MAGI2: variants seen among roughly 807,000 people sequenced by gnomAD.
MAGI2 encodes the protein membrane-associated guanylate kinase, WW and PDZ domain-containing protein 2.
A neutral mutation model predicts 133.3 loss-of-function variants in MAGI2; 35 were observed. The observed-to-expected ratio is 0.26, with a 90% confidence interval of 0.20 to 0.35. The LOEUF (loss-of-function observed/expected upper bound fraction) is 0.35, where lower values mean the gene tolerates loss of function less well. Among genes scored for constraint, MAGI2 ranks in the 10% least tolerant of loss-of-function variants. MAGI2 has a pLI of 1.00. For missense variants in MAGI2, 1,636 were observed against 1,863.4 expected (o/e 0.88, Z 2.25); for synonymous variants, 729 against 710.6 (o/e 1.03, Z -0.41).
At chr7:78,952,557 C>A (rs934982169) in intron 2 of MAGI2, among the ~76,000 whole-genome samples, 1 of 152,102 alleles carries the variant, frequency 6.6e-6, no homozygotes, top group Non-Finnish European at 1.5e-5. Flanking sequence ...TTCCTATTTT[C>A]TTTTAATAAA....
At chr7:79,449,798 A>T (rs1182451362) in intron 1 of MAGI2, among the ~76,000 whole-genome samples, 3 of 151,078 alleles carry the variant, frequency 2.0e-5, no homozygotes, top group Admixed American at 1.3e-4. Context: ...TAAAAAGATA[A>T]TTCCTTGAAT....
intron 21 of MAGI2, among the ~76,000 whole-genome samples, chr7:78,048,469 C>A (rs1038777807): frequency 6.6e-6 from 1 of 152,106 alleles, no homozygotes; most frequent in Admixed American, 6.6e-5. Context: ...TAAAAACAGT[C>A]CCCGCCAATG....
intron 1 of MAGI2, among the ~76,000 whole-genome samples, chr7:79,144,598 C>A (rs1202955088): frequency 6.6e-6 from 1 of 152,196 alleles, no homozygotes; most frequent in African/African-American, 2.4e-5. Context: ...TCAGCTATTT[C>A]TTTATAGCAG....
intron 2 of MAGI2, among the ~76,000 whole-genome samples, chr7:78,669,173 G>A (rs887268924): frequency 6.6e-6 from 1 of 151,998 alleles, no homozygotes; most frequent in African/African-American, 2.4e-5. Context: ...TAGACCGATA[G>A]CAAGACTAAT....
chr7:79,383,270 ACT>A (rs1430995138), intron 1 of MAGI2, among the ~76,000 whole-genome samples: 9 of 151,464 alleles, frequency 5.9e-5, no homozygotes, highest in African/African-American at 1.9e-4. Flanking sequence ...GCTTTACTTC[ACT>A]CTCTTAGAAT....
chr7:78,948,601 C>A (rs976684368), intron 2 of MAGI2, among the ~76,000 whole-genome samples: 8 of 152,028 alleles, frequency 5.3e-5, no homozygotes, highest in African/African-American at 9.7e-5. Context: ...AGTGGAGACT[C>A]ATTTTATAGA....
At chr7:79,076,983 T>C (rs1006091844) in intron 1 of MAGI2, among the ~76,000 whole-genome samples, 1 of 152,184 alleles carries the variant, frequency 6.6e-6, no homozygotes, top group Non-Finnish European at 1.5e-5. Flanking sequence ...TCTCAGATTC[T>C]TTACTTTTCC....
At chr7:78,910,636 A>G (rs1356322457) in intron 2 of MAGI2, among the ~76,000 whole-genome samples, 2 of 152,212 alleles carry the variant, frequency 1.3e-5, no homozygotes, top group Non-Finnish European at 2.9e-5. Context: ...TTTCAAGTAC[A>G]ACACTAGTCT....
At chr7:78,162,986 G>C (rs969254848) in intron 15 of MAGI2, among the ~76,000 whole-genome samples, 1 of 152,054 alleles carries the variant, frequency 6.6e-6, no homozygotes, top group Non-Finnish European at 1.5e-5. Context: ...ACATCCTAAA[G>C]TGACTAAAAT....
At chr7:78,095,905 C>A (rs1817648950) in intron 20 of MAGI2, among the ~76,000 whole-genome samples, 2 of 152,062 alleles carry the variant, frequency 1.3e-5, no homozygotes, top group Non-Finnish European at 2.9e-5. Context: ...AGAGAAAGAA[C>A]AGAATAAAAA....
intron 21 of MAGI2, among the ~76,000 whole-genome samples, chr7:78,043,507 T>C (rs34582025): frequency 0.067 from 10,159 of 152,274 alleles, 346 homozygotes; most frequent in South Asian, 0.078. Context: ...CTGGAAAGGA[T>C]TGGCCAAAAT....
At chr7:78,194,699 C>T (rs976314944) in intron 12 of MAGI2, among the ~76,000 whole-genome samples, 175 bp downstream of exon 12, 19 of 152,090 alleles carry the variant, frequency 1.2e-4, no homozygotes, top group African/African-American at 3.9e-4. Flanking sequence ...TATAATAAAC[C>T]GACTTTTAGA....
intron 2 of MAGI2, among the ~76,000 whole-genome samples, chr7:78,898,488 A>C (rs532594239): frequency 3.1e-4 from 47 of 152,318 alleles, no homozygotes; most frequent in African/African-American, 1.1e-3. Flanking sequence ...AAATGATGAG[A>C]TCATGTCCTT....
intron 6 of MAGI2, among the ~76,000 whole-genome samples, chr7:78,403,097 C>T (rs1046940551): frequency 1.3e-5 from 2 of 152,104 alleles, no homozygotes; most frequent in African/African-American, 4.8e-5. Context: ...GTGTGCTGCA[C>T]CCATTAACTC....
chr7:78,293,468 C>T lies in MAGI2; in HGVS notation c.1409-36887G>A, dbSNP rs530231519. 2.6e-4 allele frequency among the ~76,000 whole-genome samples: 40 copies of T among 152,292 alleles called. 2 individuals carry two copies. In the South Asian group the frequency reaches 4.4e-3, roughly 17 times the overall value. On this transcript the variant is annotated intron_variant, in intron 9 of 21. Coordinates refer to ENST00000354212, the MANE Select transcript of MAGI2 (RefSeq NM_012301.4). ...TGGAGAGGATGTGGAGAAATAGGAA[C>T]ACTTTTACACTGTTGGTGGGACTAT...
At chr7:78,790,626 G>A (rs1268521353) in intron 2 of MAGI2, among the ~76,000 whole-genome samples, 1 of 152,102 alleles carries the variant, frequency 6.6e-6, no homozygotes, top group East Asian at 1.9e-4. Context: ...TAGACACAGG[G>A]TTTCACCATG....
At chr7:78,696,488 T>C (rs1817525954) in intron 2 of MAGI2, among the ~76,000 whole-genome samples, 1 of 152,152 alleles carries the variant, frequency 6.6e-6, no homozygotes, top group African/African-American at 2.4e-5. Context: ...ATACTTGAAT[T>C]AATCAGTTGG....
At chr7:79,143,045 A>G (rs1479108597) in intron 1 of MAGI2, among the ~76,000 whole-genome samples, 3 of 152,204 alleles carry the variant, frequency 2.0e-5, no homozygotes, top group Admixed American at 6.5e-5. Context: ...GTTCTGATAA[A>G]TGAACAAAGA....
chr7:78,154,657 C>T (rs1339256446), intron 16 of MAGI2, among the ~76,000 whole-genome samples: 7 of 152,000 alleles, frequency 4.6e-5, no homozygotes, highest in Admixed American at 2.0e-4. Flanking sequence ...TCATATATTC[C>T]GGCATAACCT....
Sources: gnomAD v4.1 joint callset for allele counts (sites outside exome capture counted in the v4.1 genomes callset) on GRCh38, gnomAD v4.1.1 for gene constraint, MANE v1.5 for transcripts, NCBI Gene and HGNC (gene_info 2026-07-23, HGNC 2026-07-21) for gene names.